Variants in ASIC2 observed in about 807,000 individuals in gnomAD.
ASIC2 encodes the protein acid-sensing ion channel 2.
Under a neutral mutation model 57.3 loss-of-function variants are expected in ASIC2, and 25 were observed. The ratio of observed to expected loss-of-function variants is 0.44; its 90% CI spans 0.32 to 0.61. ASIC2 has a LOEUF of 0.61. Ranked by LOEUF, ASIC2 falls within the 20% of genes least tolerant of loss-of-function variation. ASIC2 has a pLI of 0.06. For synonymous variants in ASIC2, 319 were observed against 307.5 expected, an observed-to-expected ratio of 1.04 and a Z score of -0.39; for missense variants, 641 against 738.1, an observed-to-expected ratio of 0.87 and a Z score of 1.52.
chr17:34,132,309 G>A (rs887129783), intron 1 of ASIC2, among the ~76,000 whole-genome samples: 1 of 152,144 alleles, frequency 6.6e-6, no homozygotes, highest in African/African-American at 2.4e-5. Flanking sequence ...CCCAAAGAGT[G>A]AGCAGCAGCA....
At chr17:33,648,908 G>A (rs1906833359) in intron 1 of ASIC2, among the ~76,000 whole-genome samples, 1 of 152,140 alleles carries the variant, frequency 6.6e-6, no homozygotes, top group Non-Finnish European at 1.5e-5. Flanking sequence ...TAGAAATAGA[G>A]GGGCTGTTCT....
chr17:34,088,072 A>C (rs910454514), intron 1 of ASIC2, among the ~76,000 whole-genome samples: 1 of 152,084 alleles, frequency 6.6e-6, no homozygotes, highest in African/African-American at 2.4e-5. Context: ...GCTTTGTTCC[A>C]TTGCTGGTGA....
intron 1 of ASIC2, among the ~76,000 whole-genome samples, chr17:34,032,887 G>A (rs1907680140): frequency 6.6e-6 from 1 of 152,106 alleles, no homozygotes. Context: ...CCTACAAAAA[G>A]ACTTAAGACT....
At chr17:33,932,264 C>G (rs999130953) in intron 1 of ASIC2, among the ~76,000 whole-genome samples, 6 of 152,170 alleles carry the variant, frequency 3.9e-5, no homozygotes, top group Non-Finnish European at 4.4e-5. Flanking sequence ...TGAAACATGG[C>G]TGGTCTAAAC....
At chr17:33,130,199 G>A (rs189890713) in intron 1 of ASIC2, among the ~76,000 whole-genome samples, 212 of 152,164 alleles carry the variant, frequency 1.4e-3, no homozygotes, top group South Asian at 4.2e-3. Context: ...TACAGGTAAG[G>A]TTTGTGCAGG....
At chr17:33,800,623 C>T (rs556463256) in intron 1 of ASIC2, among the ~76,000 whole-genome samples, 84 of 152,248 alleles carry the variant, frequency 5.5e-4, no homozygotes, top group Non-Finnish European at 9.3e-4. Flanking sequence ...CTCACACCCA[C>T]AGTATCAGAA....
chr17:33,734,445 T>C (rs1160744766), intron 1 of ASIC2, among the ~76,000 whole-genome samples: 3 of 152,192 alleles, frequency 2.0e-5, no homozygotes, highest in Admixed American at 1.3e-4. Context: ...TATCCCTCAC[T>C]GCCCCTCATG....
intron 5 of ASIC2, among the ~76,000 whole-genome samples, chr17:33,024,845 C>A (rs931380365): frequency 1.3e-5 from 2 of 152,206 alleles, no homozygotes; most frequent in South Asian, 4.1e-4. Flanking sequence ...GGCTATGAAT[C>A]TCCAGCTGTC....
At chr17:33,139,380 A>T (rs768407346) in intron 1 of ASIC2, among the ~76,000 whole-genome samples, 9 of 152,188 alleles carry the variant, frequency 5.9e-5, no homozygotes, top group Non-Finnish European at 1.2e-4. Context: ...TGAAGCCCAA[A>T]GTAAATTTTC....
chr17:33,212,364 T>C (rs1336983947), intron 1 of ASIC2, among the ~76,000 whole-genome samples: 1 of 152,094 alleles, frequency 6.6e-6, no homozygotes, highest in African/African-American at 2.4e-5. Flanking sequence ...GAAGCAAAGA[T>C]TGGAGTGATG....
intron 1 of ASIC2, among the ~76,000 whole-genome samples, chr17:34,128,249 G>C (rs148127517): frequency 6.6e-6 from 1 of 152,282 alleles, no homozygotes; most frequent in Non-Finnish European, 1.5e-5. Flanking sequence ...TCTTATCAAA[G>C]TGGCCCGTGG....
At position 34,096,856 on chromosome 17, in the gene ASIC2, C is replaced by CAAAAAAAAA. The variant is rs71286247; in HGVS notation, c.555+59113_555+59121dup. ...TGGGTGACAGGGTGAGACTCCATCT[C>CAAAAAAAAA]AAAAAAAAAAAAAAAAAAAAAAAAA... On this transcript the variant is annotated intron_variant, in intron 1 of 9. Transcript: ENST00000359872. Among the ~76,000 whole-genome samples the CAAAAAAAAA allele has an allele frequency of 4.3e-4, 13 of 30,114 alleles. 1 individual carries two copies. The highest frequency in any genetic ancestry group is 1.1e-3 in the African/African-American group (7 of 6,480). 19.8% of individuals were successfully genotyped at this position (30,114 alleles called of 152,430 possible).
intron 1 of ASIC2, among the ~76,000 whole-genome samples, chr17:33,706,257 C>T (rs547808829): frequency 4.6e-4 from 70 of 150,872 alleles, no homozygotes; most frequent in Non-Finnish European, 8.9e-4. Context: ...GGATCTGGCT[C>T]TGTCGCTTAG....
rs546615269 is a variant in ASIC2 at position 33,301,693 on chromosome 17, A to T, written c.556-189626T>A. ...ATTCATATGAAATGTTAATTATTAA[A>T]AGGCAATTTAAATAAAGCATGATAA... is the stretch of plus-strand genomic sequence containing the variant. On this transcript the variant is annotated intron_variant, in intron 1 of 9. Coordinates refer to the ASIC2 transcript ENST00000359872. Among the ~76,000 whole-genome samples the T allele has an allele frequency of 3.3e-5, 5 of 152,344 alleles. No homozygotes were observed. In the South Asian group the frequency reaches 1.0e-3, roughly 32 times the overall value.
chr17:33,392,207 C>T lies in ASIC2; in HGVS notation c.556-280140G>A, dbSNP rs977414493. Among the ~76,000 whole-genome samples the T allele has an allele frequency of 4.9e-5, 7 of 143,088 alleles. No homozygotes were observed. The East Asian group carries it at 8.1e-4, about 17-fold the overall frequency. The allele number at this position is 143,088 out of a possible 152,430, so 93.9% of individuals were successfully genotyped here. A position where few individuals can be genotyped will look rare whatever the true frequency, so the allele number is the denominator to read the frequency against. On this transcript the variant is annotated intron_variant, in intron 1 of 9. Transcript: ENST00000359872. ...CCTTCCTTCCTTCCCTCCTTCCTTC[C>T]TTCCTTCCTTCCTTCCTTCCTTCCT...
At chr17:33,093,441 A>T (rs2092165481) in intron 2 of ASIC2, among the ~76,000 whole-genome samples, 1 of 152,166 alleles carries the variant, frequency 6.6e-6, no homozygotes, top group African/African-American at 2.4e-5. Flanking sequence ...AGAGAGAGAG[A>T]GAGAGAGAGT....
At position 33,899,130 on chromosome 17, in the gene ASIC2, G is replaced by GAA. The variant is rs35843628; in HGVS notation, c.555+256846_555+256847dup. ...GCGACAGAGCGAGACTCCATCTCAG[G>GAA]AAAAAAAAAAAAAAGCTCTAAAGGA... is the stretch of plus-strand genomic sequence containing the variant. On this transcript the variant is annotated intron_variant, in intron 1 of 9. Coordinates refer to the ASIC2 transcript ENST00000359872. Among the ~76,000 whole-genome samples the GAA allele has an allele frequency of 2.1e-3, 293 of 140,746 alleles. 2 individuals are homozygous for GAA. Among genetic ancestry groups the GAA allele is most frequent in the Middle Eastern group, 3.5e-3 (1 of 286 alleles). The allele number at this position is 140,746 out of a possible 152,430, so 92.3% of individuals were successfully genotyped here.
At chr17:33,642,498 G>A (rs1398324199) in intron 1 of ASIC2, among the ~76,000 whole-genome samples, 1 of 152,182 alleles carries the variant, frequency 6.6e-6, no homozygotes, top group African/African-American at 2.4e-5. Context: ...CCTGCCCCTT[G>A]TAAGGGTTGC....
chr17:34,126,882 G>A (rs932340512), intron 1 of ASIC2, among the ~76,000 whole-genome samples: 8 of 152,140 alleles, frequency 5.3e-5, no homozygotes, highest in Admixed American at 2.0e-4. Flanking sequence ...CTGCTAGTGC[G>A]TGAACCATGT....
Sources: gnomAD v4.1 joint callset for allele counts (sites outside exome capture counted in the v4.1 genomes callset) on GRCh38, gnomAD v4.1.1 for gene constraint, MANE v1.5 for transcripts, NCBI Gene and HGNC (gene_info 2026-07-23, HGNC 2026-07-21) for gene names.